The following CACNG2 variants were observed in gnomAD, a reference collection of about 807,000 sequenced individuals.
CACNG2 encodes voltage-dependent calcium channel gamma-2 subunit.
Under a neutral mutation model 25.9 loss-of-function variants are expected in CACNG2, and 3 were observed. The ratio of observed to expected loss-of-function variants is 0.12; its 90% CI spans 0.05 to 0.30. CACNG2 has a LOEUF of 0.30. CACNG2 is among the 10% of genes least tolerant of loss of function. The probability of loss-of-function intolerance (pLI) is 1.00; values close to 1 mark genes in which losing one functional copy is unlikely to be tolerated. For missense variants in CACNG2, 341 were observed against 432.5 expected (o/e 0.79, Z 1.88); for synonymous variants, 167 against 173.3 (o/e 0.96, Z 0.29).
intron 1 of CACNG2, among the ~76,000 whole-genome samples, chr22:36,678,381 G>A (rs1262113342): frequency 6.6e-6 from 1 of 151,894 alleles, no homozygotes; most frequent in African/African-American, 2.4e-5. Flanking sequence ...TTAACCCCAG[G>A]GTGAATCAAA....
At position 36,655,773 on chromosome 22, in the gene CACNG2, T is replaced by TTTCCTTCC. The variant is rs372750299; in HGVS notation, c.211+46585_211+46592dup. ...TCCTTTCTTTCTTTCTTTCTCTTTC[T>TTTCCTTCC]TTCCTTCCTTCCTTCCTTCCTTCTT... is the stretch of plus-strand genomic sequence containing the variant. On this transcript the variant is annotated intron_variant, in intron 1 of 3. Coordinates refer to ENST00000300105, the MANE Select transcript of CACNG2 (RefSeq NM_006078.5). Among the ~76,000 whole-genome samples the TTTCCTTCC allele has an allele frequency of 3.4e-5, 5 of 145,642 alleles. 1 individual carries two copies. Among genetic ancestry groups the TTTCCTTCC allele is most frequent in the Admixed American group, 6.7e-5 (1 of 14,990 alleles).
At chr22:36,641,042 C>A (rs1340821250) in intron 1 of CACNG2, among the ~76,000 whole-genome samples, 3 of 152,226 alleles carry the variant, frequency 2.0e-5, no homozygotes, top group Admixed American at 2.0e-4. Context: ...AACATAGCAA[C>A]ATGCCTTTTG....
intron 2 of CACNG2, among the ~76,000 whole-genome samples, chr22:36,578,450 G>A (rs1419334001): frequency 6.6e-6 from 1 of 151,932 alleles, no homozygotes; most frequent in African/African-American, 2.4e-5. Flanking sequence ...CTGTTCCACT[G>A]GGGCTCTGGG....
intron 1 of CACNG2, among the ~76,000 whole-genome samples, chr22:36,674,417 C>A (rs1936995726): frequency 6.6e-6 from 1 of 152,214 alleles, no homozygotes; most frequent in African/African-American, 2.4e-5. Flanking sequence ...CAACCTCTAC[C>A]TCTTGGGCTT....
chr22:36,675,527 C>T (rs1352616808), intron 1 of CACNG2, among the ~76,000 whole-genome samples: 3 of 152,252 alleles, frequency 2.0e-5, no homozygotes, highest in Non-Finnish European at 4.4e-5. Context: ...ACTGGGAGCA[C>T]TTCCAAGATG....
At chr22:36,573,948 C>T (rs1935273011) in intron 2 of CACNG2, among the ~76,000 whole-genome samples, 1 of 151,964 alleles carries the variant, frequency 6.6e-6, no homozygotes, top group Non-Finnish European at 1.5e-5. Context: ...GTGGAGGAGG[C>T]ATGGCTCCTT....
intron 1 of CACNG2, among the ~76,000 whole-genome samples, chr22:36,669,367 T>G (rs6000379): frequency 0.33 from 50,319 of 150,862 alleles, 8,742 homozygotes; most frequent in Middle Eastern, 0.43. Flanking sequence ...AATTAGCCAG[T>G]CATGGTGGTG....
intron 1 of CACNG2, among the ~76,000 whole-genome samples, chr22:36,599,039 T>C (rs1302718455): frequency 6.6e-6 from 1 of 152,204 alleles, no homozygotes; most frequent in African/African-American, 2.4e-5. Context: ...GCAATTCTGC[T>C]TAGAAATGTG....
intron 1 of CACNG2, among the ~76,000 whole-genome samples, chr22:36,676,932 TTGTGTGTG>T (rs138729815): frequency 1.0e-3 from 144 of 141,758 alleles, no homozygotes; most frequent in East Asian, 2.7e-3. Context: ...TCTTCTAATA[TTGTGTGTG>T]TGTGTGTGTG....
chr22:36,628,879 T>C (rs886437337), intron 1 of CACNG2, among the ~76,000 whole-genome samples: 3 of 152,184 alleles, frequency 2.0e-5, no homozygotes, highest in African/African-American at 4.8e-5. Flanking sequence ...ATCTGTTTTA[T>C]GGTGCACCTT....
intron 1 of CACNG2, among the ~76,000 whole-genome samples, chr22:36,638,963 T>G (rs1476617717): frequency 6.6e-6 from 1 of 152,222 alleles, no homozygotes; most frequent in African/African-American, 2.4e-5. Context: ...CCCATCAATA[T>G]TTACTAAGCA....
chr22:36,592,431 C>A (rs1030425934), intron 1 of CACNG2, among the ~76,000 whole-genome samples: 1 of 151,928 alleles, frequency 6.6e-6, no homozygotes, highest in Non-Finnish European at 1.5e-5. Flanking sequence ...GGGTAAGACC[C>A]CGAATGAGGT....
chr22:36,627,634 T>TGG (rs1936203558), intron 1 of CACNG2, among the ~76,000 whole-genome samples: 1 of 138,988 alleles, frequency 7.2e-6, no homozygotes, highest in East Asian at 2.2e-4. Context: ...TTAGCATGAA[T>TGG]GACTTTGATT....
intron 1 of CACNG2, among the ~76,000 whole-genome samples, chr22:36,679,680 C>G (rs1433804304): frequency 6.6e-6 from 1 of 152,114 alleles, no homozygotes; most frequent in Non-Finnish European, 1.5e-5. Flanking sequence ...CTGTTCCTCC[C>G]TAGGTCACTG....
At chr22:36,644,046 G>A (rs949286316) in intron 1 of CACNG2, among the ~76,000 whole-genome samples, 5 of 152,200 alleles carry the variant, frequency 3.3e-5, no homozygotes, top group Admixed American at 1.3e-4. Context: ...ATGGTCCCTC[G>A]GTGAAAGCTT....
chr22:36,599,767 T>C (rs1935727292), intron 1 of CACNG2, among the ~76,000 whole-genome samples: 1 of 152,204 alleles, frequency 6.6e-6, no homozygotes, highest in South Asian at 2.1e-4. Flanking sequence ...GTCCTAGGAA[T>C]GCTCTATTTT....
chr22:36,651,450 A>G (rs1936614126), intron 1 of CACNG2, among the ~76,000 whole-genome samples: 1 of 151,940 alleles, frequency 6.6e-6, no homozygotes, highest in Non-Finnish European at 1.5e-5. Flanking sequence ...GCTGGTCTCG[A>G]ACTCCTGACC....
chr22:36,702,550 T>C lies in CACNG2; in HGVS notation c.27A>G (p.Gln9=), dbSNP rs1368894772. 1 of 1,614,006 alleles carries C rather than the reference T, an allele frequency of 6.2e-7. No homozygotes were observed. The highest frequency in any genetic ancestry group is 1.1e-5 in the South Asian group (1 of 91,070). The change falls in exon 1 of 4, where the codon CAA becomes CAG. Residue 9 remains glutamine, a synonymous_variant. Coordinates refer to ENST00000300105, the MANE Select transcript of CACNG2 (RefSeq NM_006078.5). ...AAGCACCAACGGTGGTTAAAAGCAT[T>C]TGAACACCTCGATCAAACAGCCCCA... The part of the protein sequence containing the change: MGLFDRGV[Q]MLLTTVGAFA...
chr22:36,600,215 G>A (rs1935733340), intron 1 of CACNG2, among the ~76,000 whole-genome samples: 1 of 152,164 alleles, frequency 6.6e-6, no homozygotes, highest in African/African-American at 2.4e-5. Context: ...GCTGTGCAAC[G>A]AGAAAGAAAT....
Sources: gnomAD v4.1 joint callset for allele counts (sites outside exome capture counted in the v4.1 genomes callset) on GRCh38, gnomAD v4.1.1 for gene constraint, MANE v1.5 for transcripts, NCBI Gene and HGNC (gene_info 2026-07-23, HGNC 2026-07-21) for gene names.